RPS6KA2: variants seen among roughly 807,000 people sequenced by gnomAD.
The protein encoded by RPS6KA2 is ribosomal protein S6 kinase alpha-2.
A neutral mutation model predicts 91.8 loss-of-function variants in RPS6KA2; 42 were observed. The ratio of observed to expected loss-of-function variants is 0.46; its 90% CI spans 0.36 to 0.59. The LOEUF (loss-of-function observed/expected upper bound fraction) is 0.59. RPS6KA2 is among the 20% of genes least tolerant of loss of function. The pLI, the probability that RPS6KA2 is intolerant of heterozygous loss-of-function variation, is 0.00. For synonymous variants in RPS6KA2, 414 were observed against 393.6 expected (o/e 1.05, Z -0.61); for missense variants, 798 against 978.5 (o/e 0.82, Z 2.46).
At chr6:166,463,332 G>A (rs926143261) in intron 11 of RPS6KA2, 1 of 152,200 alleles carries the variant, frequency 6.6e-6, no homozygotes, top group Admixed American at 6.5e-5. Flanking sequence ...GGGATTCTGA[G>A]CTTAACGAGA....
chr6:166,804,958 TTC>T (rs540939814), intron 2 of RPS6KA2, among the ~76,000 whole-genome samples: 27 of 152,340 alleles, frequency 1.8e-4, no homozygotes, highest in Non-Finnish European at 3.8e-4. Flanking sequence ...ATTACACTTT[TTC>T]TCTCTTTCCT....
Position 166,770,615 on chromosome 6 carries a change from G to T in RPS6KA2, c.123+87585C>A, listed in dbSNP as rs944687406. On this transcript the variant is annotated intron_variant, in intron 2 of 21. Coordinates refer to the RPS6KA2 transcript ENST00000503859. This position sits in a 1 kb window ranked among gnomAD's most constrained non-coding sequence, Gnocchi z 5.1. Reference sequence around the variant, plus strand: ...CAAGATGACATCCTCAGTTTAGCACGCAAGGCAGCCCCTGCTGTACAAGGA... The same window carrying T: ...CAAGATGACATCCTCAGTTTAGCACTCAAGGCAGCCCCTGCTGTACAAGGA... Among the ~76,000 whole-genome samples, 27 of 152,160 alleles carry T rather than the reference G, an allele frequency of 1.8e-4. No homozygotes were observed. The highest frequency in any genetic ancestry group is 1.3e-4 in the Non-Finnish European group (9 of 68,032).
chr6:166,760,522 G>C (rs73788130), intron 2 of RPS6KA2, among the ~76,000 whole-genome samples: 2,275 of 152,328 alleles, frequency 0.015, 50 homozygotes, highest in African/African-American at 0.051. Context: ...TTGAGACTGT[G>C]AGGACTCCAG....
chr6:166,437,467 G>A lies in RPS6KA2; in HGVS notation c.1333-4977C>T, dbSNP rs1173066409. ...CCACGGAGTAGGAGTGGTGTCGTGGGGCGGGGGACAAGCTCGCTCAGCTTT... is the reference window on the plus strand; with the variant it reads ...CCACGGAGTAGGAGTGGTGTCGTGGAGCGGGGGACAAGCTCGCTCAGCTTT... On this transcript the variant is annotated intron_variant, in intron 14 of 20. Transcript: ENST00000265678. The surrounding 1 kb of genome is among the most constrained non-coding windows in gnomAD (Gnocchi z 4.3). 1.3e-5 allele frequency among the ~76,000 whole-genome samples: 2 copies of A among 152,208 alleles called. No individual in the cohort carries two copies. The highest frequency in any genetic ancestry group is 2.1e-4 in the South Asian group (1 of 4,830).
chr6:166,432,577 G>C lies in RPS6KA2; in HGVS notation c.1333-87C>G, dbSNP rs376334478. On this transcript the variant is annotated intron_variant, in intron 14 of 20. Transcript: ENST00000265678. ...TGGTGGACCATTGAGTTTGGATAAA[G>C]TCTGGCCCCAGGTGGCCCAATCACT... The C allele has an allele frequency of 8.1e-4, 644 of 796,132 alleles. 7 individuals are homozygous for C. The South Asian group carries it at 9.7e-3, about 12-fold the overall frequency. The allele number at this position is 796,132 out of a possible 1,614,324, so 49.3% of individuals were successfully genotyped here.
intron 1 of RPS6KA2, among the ~76,000 whole-genome samples, chr6:166,589,465 C>T (rs1043710931): frequency 6.6e-6 from 1 of 152,236 alleles, no homozygotes; most frequent in Non-Finnish European, 1.5e-5. Flanking sequence ...ACCCAGCCTC[C>T]ATGGTCAGAG....
chr6:166,852,684 C>G lies in RPS6KA2; in HGVS notation c.123+5516G>C, dbSNP rs1780775237. 6.6e-6 allele frequency among the ~76,000 whole-genome samples: 1 copy of G among 152,092 alleles called. No homozygotes were observed. Among genetic ancestry groups the G allele is most frequent in the Non-Finnish European group, 1.5e-5 (1 of 68,016 alleles). Reference sequence around the variant, plus strand: ...AGCAACGGCTCGGCAACTCCGGGAGCTGGGCATTGGAGGAGGCCACGCTGA... The same window carrying G: ...AGCAACGGCTCGGCAACTCCGGGAGGTGGGCATTGGAGGAGGCCACGCTGA... On this transcript the variant is annotated intron_variant, in intron 2 of 21. Transcript: ENST00000503859. This position sits in a 1 kb window ranked among gnomAD's most constrained non-coding sequence, Gnocchi z 4.1.
intron 2 of RPS6KA2, among the ~76,000 whole-genome samples, chr6:166,537,124 G>A (rs142204058): frequency 1.5e-3 from 224 of 152,348 alleles, no homozygotes; most frequent in Non-Finnish European, 2.4e-3. Context: ...CTGGGCCTCC[G>A]CCATGGGATG....
chr6:166,680,464 A>G (rs559409960), intron 2 of RPS6KA2, among the ~76,000 whole-genome samples: 1 of 152,068 alleles, frequency 6.6e-6, no homozygotes, highest in African/African-American at 2.4e-5. Context: ...ACGTTGTGGA[A>G]GGTTTGTTTT....
Position 166,632,938 on chromosome 6 carries a change from G to A in RPS6KA2, c.124-94154C>T, listed in dbSNP as rs1380346419. On this transcript the variant is annotated intron_variant, in intron 2 of 21. Coordinates refer to the RPS6KA2 transcript ENST00000503859. ...ATGGGCGTGAAATACCTCGGGGCCG[G>A]GCGCAGGGGCTCATGCCTGCAATCC... 2.0e-5 allele frequency among the ~76,000 whole-genome samples: 3 copies of A among 152,292 alleles called. No individual in the cohort carries two copies. In the East Asian group the frequency reaches 5.8e-4, roughly 29 times the overall value.
rs1778234160 is a variant in RPS6KA2, at chr6:166,409,589, A to G, written c.*3173T>C. The G allele has an allele frequency of 6.6e-6, 1 of 152,378 alleles. No homozygotes were observed. Among genetic ancestry groups the G allele is most frequent in the Non-Finnish European group, 1.5e-5 (1 of 68,036 alleles). The allele number at this position is 152,378 out of a possible 1,614,324, so 9.4% of individuals were successfully genotyped here. On this transcript the variant is annotated 3_prime_UTR_variant, in exon 21 of 21. Transcript: ENST00000265678. ...AGAGAAGCGTGCTCAGTAGAACGAC[A>G]CAGATGCTGCAGCCTCCGTCCTCAG...
At chr6:166,794,712 G>C (rs1463477128) in intron 2 of RPS6KA2, among the ~76,000 whole-genome samples, 2 of 151,460 alleles carry the variant, frequency 1.3e-5, no homozygotes, top group East Asian at 3.9e-4. Flanking sequence ...GTAGGGACAT[G>C]GATGAAGCTG....
Position 166,722,327 on chromosome 6 carries a change from C to T in RPS6KA2, c.123+135873G>A, listed in dbSNP as rs185397171. On this transcript the variant is annotated intron_variant, in intron 2 of 21. Coordinates refer to the RPS6KA2 transcript ENST00000503859. ...GCTGAAGACGCTTAGAGTGGAAAAG[C>T]GTTTTGTAAGGCGGGTCAGACACTC... 5.9e-3 allele frequency among the ~76,000 whole-genome samples: 900 copies of T among 152,306 alleles called. 6 individuals are homozygous for T. Among genetic ancestry groups the T allele is most frequent in the Middle Eastern group, 0.01 (3 of 294 alleles).
At chr6:166,750,452 G>A (rs965974029) in intron 2 of RPS6KA2, among the ~76,000 whole-genome samples, 2 of 152,136 alleles carry the variant, frequency 1.3e-5, no homozygotes, top group African/African-American at 2.4e-5. Flanking sequence ...TCAGACACAC[G>A]CCTTTCCGGG....
chr6:166,849,287 G>A lies in RPS6KA2; in HGVS notation c.123+8913C>T, dbSNP rs1478334097. Among the ~76,000 whole-genome samples, 13 of 152,318 alleles carry A rather than the reference G, an allele frequency of 8.5e-5. No homozygotes were observed. ...GGTAACCATGCCCCATGCCTCTGCTGGTATGGCCCACGCAGAGCACTCCCT... is the reference window on the plus strand; with the variant it reads ...GGTAACCATGCCCCATGCCTCTGCTAGTATGGCCCACGCAGAGCACTCCCT... On this transcript the variant is annotated intron_variant, in intron 2 of 21. Transcript: ENST00000503859. The surrounding 1 kb of genome is among the most constrained non-coding windows in gnomAD (Gnocchi z 4.9).
intron 2 of RPS6KA2, among the ~76,000 whole-genome samples, chr6:166,715,178 G>A (rs1034372819): frequency 1.3e-5 from 2 of 152,212 alleles, no homozygotes; most frequent in Non-Finnish European, 2.9e-5. Flanking sequence ...AGCCCGAGGC[G>A]GGAAGCAAGC....
At chr6:166,570,093 A>G (rs894785568) in intron 1 of RPS6KA2, among the ~76,000 whole-genome samples, 1 of 152,242 alleles carries the variant, frequency 6.6e-6, no homozygotes, top group Non-Finnish European at 1.5e-5. Flanking sequence ...GAGGCTGTCC[A>G]GTATGAGGGT....
intron 3 of RPS6KA2, among the ~76,000 whole-genome samples, chr6:166,527,825 G>A (rs1279170551): frequency 6.6e-6 from 1 of 152,196 alleles, no homozygotes; most frequent in Non-Finnish European, 1.5e-5. Flanking sequence ...GTGCCTGGCT[G>A]TTCCCGCTAA....
intron 2 of RPS6KA2, among the ~76,000 whole-genome samples, chr6:166,833,147 T>A (rs368206650): frequency 1.3e-5 from 2 of 152,196 alleles, no homozygotes; most frequent in East Asian, 3.8e-4. Flanking sequence ...AATACAAATA[T>A]TATCCTACAC....
Sources: gnomAD v4.1 joint callset for allele counts (sites outside exome capture counted in the v4.1 genomes callset) on GRCh38, gnomAD v4.1.1 for gene constraint, Gnocchi (gnomAD v3.1) non-coding constraint, MANE v1.5 for transcripts, NCBI Gene and HGNC (gene_info 2026-07-23, HGNC 2026-07-21) for gene names.